Variants in ANKRD30A observed in about 807,000 individuals in gnomAD.
ANKRD30A encodes the protein ankyrin repeat domain-containing protein 30A.
In ANKRD30A, 170 loss-of-function variants were observed where a neutral mutation model predicts 166.3. The ratio of observed to expected loss-of-function variants is 1.02; its 90% CI spans 0.90 to 1.16. The LOEUF (loss-of-function observed/expected upper bound fraction) is 1.16, where lower values mean the gene tolerates loss of function less well. Ranked by LOEUF, ANKRD30A falls within the 50% of genes most tolerant of loss-of-function variation. The probability of loss-of-function intolerance (pLI) is 0.00; values close to 1 mark genes in which losing one functional copy is unlikely to be tolerated. For missense variants in ANKRD30A, 1,630 were observed against 1,518.0 expected, an observed-to-expected ratio of 1.07 and a Z score of -1.23; for synonymous variants, 564 against 508.9, an observed-to-expected ratio of 1.11 and a Z score of -1.46.
chr10:37,163,325 ATG>A (rs1588842016), intron 17 of ANKRD30A, among the ~76,000 whole-genome samples: 2 of 67,280 alleles, frequency 3.0e-5, no homozygotes, highest in South Asian at 1.2e-3. Context: ...CTGTGTGTTT[ATG>A]TGTGTGTGTG....
chr10:37,237,110 A>G (rs1282203433), downstream of ANKRD30A, among the ~76,000 whole-genome samples: 1 of 152,130 alleles, frequency 6.6e-6, no homozygotes, highest in Non-Finnish European at 1.5e-5. Flanking sequence ...ATATGCATGC[A>G]TTTTCTCTGA....
chr10:37,158,456 T>G, intron 14 of ANKRD30A, 36 bp downstream of exon 14: 1 of 1,612,828 alleles, frequency 6.2e-7, no homozygotes, highest in Non-Finnish European at 8.5e-7. Context: ...GAGTATCAAC[T>G]ACATATTTTA....
chr10:37,136,300 G>A (rs182505178), intron 5 of ANKRD30A, among the ~76,000 whole-genome samples: 23 of 152,266 alleles, frequency 1.5e-4, no homozygotes, highest in Admixed American at 8.5e-4. Context: ...AAAAATACCC[G>A]TTGGTAACCA....
In ANKRD30A at chr10:37,196,331, T is replaced by A. The variant is rs182701706; in HGVS notation, c.2615-950T>A. 2.6e-5 allele frequency among the ~76,000 whole-genome samples: 4 copies of A among 152,172 alleles called. No homozygotes were observed. The East Asian group carries it at 7.7e-4, about 29-fold the overall frequency. On this transcript the variant is annotated intron_variant, in intron 27 of 35. Transcript: ENST00000361713. ...ACAGTGACACATTAGGTTTTTCTGT[T>A]ACAATGAGGCATGACAAATATATAT...
chr10:37,225,782 C>G (rs1304064740), intron 34 of ANKRD30A, among the ~76,000 whole-genome samples: 1 of 151,730 alleles, frequency 6.6e-6, no homozygotes, highest in East Asian at 1.9e-4. Context: ...TCACTAGTAT[C>G]AAATTGATTT....
At chr10:37,253,174 C>T in the ANKRD30A span, among the ~76,000 whole-genome samples, 90 of 152,296 alleles carry the variant, frequency 5.9e-4, 1 homozygote, top group South Asian at 0.018. Context: ...TGTATCACTT[C>T]TTACCATGTC....
the ANKRD30A span, among the ~76,000 whole-genome samples, chr10:37,258,234 A>T: frequency 6.6e-6 from 1 of 152,210 alleles, no homozygotes; most frequent in Non-Finnish European, 1.5e-5. Flanking sequence ...TTACTAAATT[A>T]TGGTTGAATG....
At chr10:37,212,486 C>G (rs544570494) in intron 31 of ANKRD30A, among the ~76,000 whole-genome samples, 1 of 152,116 alleles carries the variant, frequency 6.6e-6, no homozygotes. Flanking sequence ...ATCAAGCTAC[C>G]AATGACCTTC....
At position 37,183,810 on chromosome 10, in the gene ANKRD30A, C is replaced by A. The variant is rs539111862; in HGVS notation, c.2422-5657C>A. On this transcript the variant is annotated intron_variant, in intron 24 of 35. Transcript: ENST00000361713. Reference sequence around the variant, plus strand: ...GTATACCTAATATAATTGTCAACCACATTACTTTAGAAAACATAAACAAAA... The same window carrying A: ...GTATACCTAATATAATTGTCAACCAAATTACTTTAGAAAACATAAACAAAA... Among the ~76,000 whole-genome samples the A allele has an allele frequency of 3.0e-4, 44 of 148,262 alleles. 1 individual carries two copies. The highest frequency in any genetic ancestry group is 1.0e-3 in the African/African-American group (42 of 40,616).
At chr10:37,253,014 T>A in the ANKRD30A span, among the ~76,000 whole-genome samples, 1 of 152,340 alleles carries the variant, frequency 6.6e-6, no homozygotes, top group East Asian at 1.9e-4. Flanking sequence ...CTCAAAAACT[T>A]GTTAAATCAT....
chr10:37,217,992 T>A, intron 33 of ANKRD30A, 114 bp downstream of exon 33: 2 of 668,686 alleles, frequency 3.0e-6, no homozygotes, highest in South Asian at 4.1e-5. Flanking sequence ...ACAAAAATGT[T>A]GTCTTAAAAT....
intron 15 of ANKRD30A, among the ~76,000 whole-genome samples, chr10:37,160,471 C>T (rs1326328559): frequency 6.6e-6 from 1 of 152,130 alleles, no homozygotes; most frequent in Admixed American, 6.6e-5. Flanking sequence ...ATTTGTTGAA[C>T]TTCAGAGATG....
intron 31 of ANKRD30A, among the ~76,000 whole-genome samples, chr10:37,207,908 C>T (rs1465963750): frequency 6.6e-6 from 1 of 151,886 alleles, no homozygotes; most frequent in East Asian, 1.9e-4. Flanking sequence ...CAAACTATGT[C>T]ATAAAGTTTG....
intron 31 of ANKRD30A, among the ~76,000 whole-genome samples, chr10:37,215,185 A>G (rs953646601): frequency 6.6e-6 from 1 of 151,458 alleles, no homozygotes; most frequent in African/African-American, 2.4e-5. Context: ...GGTATGAGCT[A>G]ACTCCCCACA....
Position 37,162,798 on chromosome 10 carries a change from C to T in ANKRD30A, c.1952C>T (p.Ser651Phe), listed in dbSNP as rs1339555665. 2.5e-6 allele frequency: 4 copies of T among 1,613,724 alleles called. No homozygotes were observed. Among genetic ancestry groups the T allele is most frequent in the South Asian group, 1.1e-5 (1 of 91,068 alleles). The change falls in exon 17 of 36, where the codon TCT becomes TTT. Residue 651 changes from serine to phenylalanine, a missense_variant. Coordinates refer to ENST00000361713, the MANE Select transcript of ANKRD30A (RefSeq NM_052997.3). Reference sequence around the variant, plus strand: ...TAGCCTGCCACTGAAATGCAAAAGTCTGTCCCAAATAAAGCCTTGGAATTG... The same window carrying T: ...TAGCCTGCCACTGAAATGCAAAAGTTTGTCCCAAATAAAGCCTTGGAATTG... ...AFEPATEMQK[S>F]VPNKALELKN...
the ANKRD30A span, among the ~76,000 whole-genome samples, chr10:37,244,973 G>A: frequency 1.3e-5 from 2 of 152,136 alleles, no homozygotes; most frequent in Non-Finnish European, 2.9e-5. Flanking sequence ...AGAGAAGAGA[G>A]GGAAAATGCC....
chr10:37,209,531 T>C (rs962276012), intron 31 of ANKRD30A, among the ~76,000 whole-genome samples: 8 of 152,116 alleles, frequency 5.3e-5, no homozygotes, highest in African/African-American at 1.9e-4. Context: ...TTGTGAGAAA[T>C]CTTCCCTCAT....
the ANKRD30A span, among the ~76,000 whole-genome samples, chr10:37,253,780 T>C: frequency 1.1e-4 from 16 of 151,970 alleles, no homozygotes; most frequent in African/African-American, 3.9e-4. Context: ...CCCAAGTAGC[T>C]GGGACCACAG....
At chr10:37,161,505 G>C (rs943661522) in intron 15 of ANKRD30A, among the ~76,000 whole-genome samples, 1 of 151,984 alleles carries the variant, frequency 6.6e-6, no homozygotes, top group Non-Finnish European at 1.5e-5. Context: ...CTAGGCAGGT[G>C]ACAGGGGACA....
Sources: allele counts gnomAD v4.1 joint callset (sites outside exome capture counted in the v4.1 genomes callset), GRCh38; gene constraint gnomAD v4.1.1; transcripts MANE v1.5; gene names NCBI Gene and HGNC (gene_info 2026-07-23, HGNC 2026-07-21).